Variants in MYO1A observed in about 807,000 individuals in gnomAD.
MYO1A encodes the protein myosin IA.
MYO1A carries 127 observed loss-of-function variants against 138.5 expected under a neutral mutation model. That is an observed-to-expected ratio of 0.92 (90% CI 0.79 to 1.06). The LOEUF is 1.06. MYO1A is among the 50% of genes least tolerant of loss of function. The pLI is 0.00. For synonymous variants in MYO1A, 477 were observed against 497.5 expected (o/e 0.96, Z 0.55); for missense variants, 1,211 against 1,288.8 (o/e 0.94, Z 0.92).
intron 22 of MYO1A, among the ~76,000 whole-genome samples, chr12:57,033,651 G>C (rs954145566): frequency 1.3e-5 from 2 of 152,104 alleles, no homozygotes; most frequent in African/African-American, 4.8e-5. Context: ...GAGTCACCTT[G>C]CCTGGCCAAG....
chr12:57,041,334 C>G (rs1565645440), intron 13 of MYO1A, 46 bp from the exon 14 acceptor site: 1 of 1,598,100 alleles, frequency 6.3e-7, no homozygotes, highest in Non-Finnish European at 8.6e-7. Context: ...AAGACTGTTT[C>G]TCCGTCTCAG....
At chr12:57,040,020 G>T (rs542728593) in intron 14 of MYO1A, among the ~76,000 whole-genome samples, 1 of 152,360 alleles carries the variant, frequency 6.6e-6, no homozygotes, top group East Asian at 1.9e-4. Context: ...CTGGGCATCA[G>T]GCCTACAGAC....
chr12:57,050,480 G>A (rs570853794), upstream of MYO1A, among the ~76,000 whole-genome samples: 34 of 152,304 alleles, frequency 2.2e-4, no homozygotes, highest in South Asian at 2.5e-3. Context: ...GAGCCCAGGA[G>A]TTCGAGACCA....
chr12:57,047,962 C>T lies in MYO1A; in HGVS notation c.230+27G>A, dbSNP rs2031186192. ...CAGTGTCAAGAAGCTGGGGCCCTGT[C>T]AGCCTTCCCTTGGTCCCCCTACTCA... On this transcript the variant is annotated intron_variant, in intron 3 of 27. Coordinates refer to ENST00000300119, the MANE Select transcript of MYO1A (RefSeq NM_005379.4). 3.7e-6 allele frequency: 6 copies of T among 1,602,226 alleles called. No homozygotes were observed. In the East Asian group the frequency reaches 1.3e-4, roughly 36 times the overall value.
rs746746694 is a variant in MYO1A, at chr12:57,039,283, G to A, written c.1270-9C>T. On this transcript the variant is annotated splice_polypyrimidine_tract_variant and intron_variant, in intron 14 of 27. Coordinates refer to ENST00000300119, the MANE Select transcript of MYO1A (RefSeq NM_005379.4). ...TTTGTCCACGGTATGCCCTGGTCAG[G>A]GGAGACAACAAATTACAGGGAACAC... 3 of 1,612,368 alleles carry A rather than the reference G, an allele frequency of 1.9e-6. No individual in the cohort carries two copies. The Admixed American group carries it at 5.0e-5, about 27-fold the overall frequency.
At chr12:57,033,803 AAT>A (rs1214649138) in intron 22 of MYO1A, among the ~76,000 whole-genome samples, 1 of 152,234 alleles carries the variant, frequency 6.6e-6, no homozygotes, top group Admixed American at 6.5e-5. Flanking sequence ...CAGGTTAAAA[AAT>A]TTAAATAGAA....
At chr12:57,036,229 G>T in intron 22 of MYO1A, 78 bp downstream of exon 22, 16 of 1,391,110 alleles carry the variant, frequency 1.2e-5, no homozygotes, top group Non-Finnish European at 1.6e-5. Context: ...GCTTTGGGTT[G>T]CCTCTTCTCA....
At chr12:57,029,684 T>G (rs2030172882) in intron 25 of MYO1A, 56 bp downstream of exon 25, 2 of 1,614,070 alleles carry the variant, frequency 1.2e-6, no homozygotes, top group East Asian at 2.2e-5. Flanking sequence ...GCTCTCCAGA[T>G]GCCAGCCCAC....
chr12:57,031,894 T>C (rs987565738), intron 22 of MYO1A, among the ~76,000 whole-genome samples: 1 of 152,226 alleles, frequency 6.6e-6, no homozygotes, highest in African/African-American at 2.4e-5. Context: ...TCTCTGGCCT[T>C]TCCCAGGGTT....
chr12:57,038,130 A>C, intron 17 of MYO1A, 61 bp from the exon 18 acceptor site: 2 of 1,569,194 alleles, frequency 1.3e-6, no homozygotes, highest in Admixed American at 3.3e-5. Flanking sequence ...AGTGTAACCC[A>C]TCATATTCCC....
In MYO1A at chr12:57,029,577, C is replaced by T. The variant is rs773165131; in HGVS notation, c.2735G>A (p.Arg912Gln). 33 of 1,614,050 alleles carry T rather than the reference C, an allele frequency of 2.0e-5. No individual in the cohort carries two copies. The highest frequency in any genetic ancestry group is 4.0e-5 in the African/African-American group (3 of 74,912). ...ATGGCCCTTGGTCAGGAGGAGAATC[C>T]GAGAAGAAGTCTAGGGACGGAACAG... ...VNRGNGKTSS[R>Q]ILLLTKGHVI... The change falls in exon 26 of 28, where the codon CGG becomes CAG. Residue 912 changes from arginine to glutamine, a missense_variant. Coordinates refer to ENST00000300119, the MANE Select transcript of MYO1A (RefSeq NM_005379.4).
In MYO1A at chr12:57,038,037, C is replaced by T. The variant is rs1472382845; in HGVS notation, c.1793G>A (p.Gly598Asp). 1.2e-6 allele frequency: 2 copies of T among 1,614,128 alleles called. No homozygotes were observed. The highest frequency in any genetic ancestry group is 1.7e-6 in the Non-Finnish European group (2 of 1,180,050). The change falls in exon 18 of 28, where the codon GGT (glycine) becomes GAT (aspartate). Residue 598 changes from glycine to aspartate, a missense_variant. Gly to Asp is a moderately conservative substitution (Grantham distance 94, BLOSUM62 -1). Coordinates refer to ENST00000300119, the MANE Select transcript of MYO1A (RefSeq NM_005379.4). ...CIKPNEHQQRGQFSSDLVATQ... is the reference protein window; with the variant it reads ...CIKPNEHQQRDQFSSDLVATQ... ...TGCCACCAGGTCTGAAGAGAACTGA[C>T]CTCGCTGCTGATGCTCATTGGGCTT...
intron 4 of MYO1A, 91 bp from the exon 5 acceptor site, chr12:57,047,498 C>A: frequency 6.7e-7 from 1 of 1,495,296 alleles, no homozygotes; most frequent in Non-Finnish European, 9.3e-7. Flanking sequence ...GCCTCACCAC[C>A]CCTTGGAGTC....
chr12:57,028,950 GC>G (rs1214345206), intron 27 of MYO1A, 69 bp from the exon 28 acceptor site: 3 of 1,598,046 alleles, frequency 1.9e-6, no homozygotes, highest in Non-Finnish European at 2.6e-6. Context: ...TTCCATGATG[GC>G]CCCCCCATCA....
intron 12 of MYO1A, 103 bp from the exon 13 acceptor site, chr12:57,041,600 G>A (rs2136450895): frequency 2.1e-6 from 2 of 942,648 alleles, no homozygotes; most frequent in Non-Finnish European, 3.5e-6. Flanking sequence ...AACAGAACTA[G>A]CAAGAGCTTT....
At chr12:57,043,013 G>T in intron 12 of MYO1A, 59 bp downstream of exon 12, 3 of 1,555,036 alleles carry the variant, frequency 1.9e-6, no homozygotes, top group South Asian at 1.1e-5. Context: ...TAGGGCTGGT[G>T]ACAGGGCAGG....
chr12:57,037,734 G>A, intron 18 of MYO1A, 93 bp from the exon 19 acceptor site: 1 of 1,500,432 alleles, frequency 6.7e-7, no homozygotes, highest in Non-Finnish European at 9.3e-7. Flanking sequence ...TCCAAGAAGT[G>A]ATCATTCAAT....
intron 27 of MYO1A, 76 bp from the exon 28 acceptor site, chr12:57,028,957 C>T (rs1384071918): frequency 1.3e-6 from 2 of 1,598,566 alleles, no homozygotes; most frequent in African/African-American, 2.7e-5. Flanking sequence ...ATGGCCCCCC[C>T]ATCATGCGAG....
At position 57,039,267 on chromosome 12, in the gene MYO1A, G is replaced by A. The variant is rs4759043; in HGVS notation, c.1277C>T (p.Pro426Leu). The change falls in exon 15 of 28, where the codon CCG (proline) becomes CTG (leucine). Residue 426 changes from proline (P) to leucine (L), a missense_variant. Transcript: ENST00000300119. ...ATCAAAGTAGTCCACCTTTGTCCAC[G>A]GTATGCCCTGGTCAGGGGAGACAAC... is the stretch of plus-strand genomic sequence containing the variant. ...EQEEYKREGI[P>L]WTKVDYFDNG... 12,017 of 1,613,766 alleles carry A rather than the reference G, an allele frequency of 7.4e-3. 1,297 individuals are homozygous for A. The Admixed American group carries it at 0.18, about 24-fold the overall frequency.
Sources: allele counts gnomAD v4.1 joint callset (sites outside exome capture counted in the v4.1 genomes callset), GRCh38; gene constraint gnomAD v4.1.1; transcripts MANE v1.5; gene names NCBI Gene and HGNC (gene_info 2026-07-23, HGNC 2026-07-21).